Variants in MGLL observed in about 807,000 individuals in gnomAD.
The protein encoded by MGLL is lysophospholipase homolog.
MGLL carries 7 observed loss-of-function variants against 29.1 expected under a neutral mutation model. That is an observed-to-expected ratio of 0.24 (90% CI 0.14 to 0.45). MGLL has a LOEUF of 0.45. Among genes scored for constraint, MGLL ranks in the 20% least tolerant of loss-of-function variants. The probability of loss-of-function intolerance (pLI) is 0.99; values close to 1 mark genes in which losing one functional copy is unlikely to be tolerated. For missense variants in MGLL, 356 were observed against 413.6 expected (o/e 0.86, Z 1.21); for synonymous variants, 148 against 168.3 (o/e 0.88, Z 0.93).
chr3:127,804,619 T>G (rs1371857797), intron 2 of MGLL, among the ~76,000 whole-genome samples: 1 of 152,234 alleles, frequency 6.6e-6, no homozygotes, highest in Non-Finnish European at 1.5e-5. Flanking sequence ...TAGTCACATC[T>G]TTCTACTTCA....
intron 3 of MGLL, among the ~76,000 whole-genome samples, chr3:127,752,704 C>G: frequency 6.6e-6 from 1 of 152,058 alleles, no homozygotes. Flanking sequence ...AAAACGGTGG[C>G]AGATGGAACC....
intron 3 of MGLL, among the ~76,000 whole-genome samples, chr3:127,726,280 G>GAGGA (rs750015801): frequency 4.0e-5 from 2 of 50,306 alleles, no homozygotes; most frequent in African/African-American, 1.5e-4. Context: ...GGGAGGGAGA[G>GAGGA]AGGAAGGAAG....
chr3:127,731,778 G>A (rs768930912), intron 3 of MGLL, among the ~76,000 whole-genome samples: 1 of 152,218 alleles, frequency 6.6e-6, no homozygotes, highest in Non-Finnish European at 1.5e-5. Context: ...GCAGGGCCCT[G>A]CGTGGCATGC....
intron 2 of MGLL, among the ~76,000 whole-genome samples, chr3:127,812,081 T>C (rs114286911): frequency 0.028 from 4,230 of 152,300 alleles, 209 homozygotes; most frequent in African/African-American, 0.093. Context: ...CTACCAACCA[T>C]GATAACGTAA....
At chr3:127,721,417 G>A (rs182245986) in intron 4 of MGLL, among the ~76,000 whole-genome samples, 39 of 150,540 alleles carry the variant, frequency 2.6e-4, no homozygotes, top group African/African-American at 8.6e-4. Context: ...CTTGTGGGCC[G>A]CAAGTTAAAC....
At chr3:127,753,056 G>A (rs1030858794) in intron 3 of MGLL, among the ~76,000 whole-genome samples, 26 of 152,118 alleles carry the variant, frequency 1.7e-4, no homozygotes, top group African/African-American at 5.6e-4. Flanking sequence ...CACCTGATTC[G>A]TATGGACAGA....
At chr3:127,787,548 A>C (rs551310267) in intron 2 of MGLL, among the ~76,000 whole-genome samples, 11 of 152,322 alleles carry the variant, frequency 7.2e-5, no homozygotes, top group Admixed American at 2.0e-4. Flanking sequence ...GAAAATGAAT[A>C]TTTTGTTAGA....
chr3:127,816,073 G>A (rs2077750510), intron 2 of MGLL, among the ~76,000 whole-genome samples: 1 of 152,214 alleles, frequency 6.6e-6, no homozygotes, highest in Admixed American at 6.5e-5. Context: ...ACAGAGTGGG[G>A]TTCAAAATGG....
At chr3:127,816,138 G>A (rs147237685) in intron 2 of MGLL, among the ~76,000 whole-genome samples, 6 of 152,290 alleles carry the variant, frequency 3.9e-5, no homozygotes, top group East Asian at 1.9e-4. Context: ...GAGCATCTGC[G>A]CTAAACCAGC....
chr3:127,743,429 T>G (rs1223144634), intron 3 of MGLL, among the ~76,000 whole-genome samples: 1 of 152,150 alleles, frequency 6.6e-6, no homozygotes, highest in Non-Finnish European at 1.5e-5. Context: ...CAGGGCATTA[T>G]ATACCAAAGT....
chr3:127,730,120 T>C (rs1243509142), intron 3 of MGLL, among the ~76,000 whole-genome samples: 1 of 152,182 alleles, frequency 6.6e-6, no homozygotes, highest in Admixed American at 6.5e-5. Context: ...ATTCAATTGG[T>C]CCCCAAGTCC....
At chr3:127,703,265 C>T (rs910077926) in intron 6 of MGLL, among the ~76,000 whole-genome samples, 4 of 152,226 alleles carry the variant, frequency 2.6e-5, no homozygotes, top group Non-Finnish European at 2.9e-5. Context: ...GCAGCCACCA[C>T]ATTCTCTGCC....
At chr3:127,749,755 A>T in intron 3 of MGLL, among the ~76,000 whole-genome samples, 1 of 152,220 alleles carries the variant, frequency 6.6e-6, no homozygotes, top group East Asian at 1.9e-4. Context: ...GACCACTGGC[A>T]GTCTGGAGGG....
At chr3:127,704,647 A>G (rs1486267136) in intron 6 of MGLL, among the ~76,000 whole-genome samples, 1 of 152,230 alleles carries the variant, frequency 6.6e-6, no homozygotes, top group Admixed American at 6.5e-5. Flanking sequence ...AAAAAGCTCA[A>G]CATCACCGAT....
In MGLL at chr3:127,721,103, G is replaced by T. The variant is rs760784959; in HGVS notation, c.460C>A (p.Leu154Ile). The change falls in exon 5 of 8, where the codon CTC (leucine) becomes ATC (isoleucine). Residue 154 changes from leucine to isoleucine, a missense_variant. Coordinates refer to ENST00000265052, the MANE Select transcript of MGLL (RefSeq NM_007283.7). ...TTGGCAAGAACCAGAGGCGAAATGA[G>T]TACCATGCCGGCGAAGTGGCCCGGC... ...ERPGHFAGMV[L>I]ISPLVLANPE... 4 of 1,614,262 alleles carry T rather than the reference G, an allele frequency of 2.5e-6. No homozygotes were observed. Among genetic ancestry groups the T allele is most frequent in the East Asian group, 2.2e-5 (1 of 44,890 alleles).
chr3:127,787,258 G>A (rs890262613), intron 2 of MGLL, among the ~76,000 whole-genome samples: 1 of 152,190 alleles, frequency 6.6e-6, no homozygotes, highest in Non-Finnish European at 1.5e-5. Flanking sequence ...GAGATGAAAG[G>A]GGTTCACCTC....
At chr3:127,702,896 T>C (rs967745153) in intron 6 of MGLL, among the ~76,000 whole-genome samples, 4 of 152,202 alleles carry the variant, frequency 2.6e-5, no homozygotes, top group Non-Finnish European at 5.9e-5. Flanking sequence ...GGTTTCACCA[T>C]GTTGGCCAGG....
intron 3 of MGLL, among the ~76,000 whole-genome samples, chr3:127,730,715 C>T (rs2076134738): frequency 6.6e-6 from 1 of 152,158 alleles, no homozygotes; most frequent in African/African-American, 2.4e-5. Flanking sequence ...CACAGTCCTC[C>T]CTCGTTTTCT....
intron 2 of MGLL, among the ~76,000 whole-genome samples, chr3:127,791,471 T>G (rs1421814843): frequency 6.6e-6 from 1 of 152,226 alleles, no homozygotes; most frequent in Non-Finnish European, 1.5e-5. Context: ...TTGTTTATAT[T>G]GGGAGTATCT....
Sources: allele counts gnomAD v4.1 joint callset (sites outside exome capture counted in the v4.1 genomes callset), GRCh38; gene constraint gnomAD v4.1.1; transcripts MANE v1.5; gene names NCBI Gene and HGNC (gene_info 2026-07-23, HGNC 2026-07-21).